Variants in B2M observed in about 807,000 individuals in gnomAD.
B2M encodes the protein beta-2-microglobulin.
B2M carries 3 observed loss-of-function variants against 14.5 expected under a neutral mutation model. The observed-to-expected ratio is 0.21, with a 90% confidence interval of 0.09 to 0.53. The LOEUF (loss-of-function observed/expected upper bound fraction) is 0.53, where lower values mean the gene tolerates loss of function less well. Among genes scored for constraint, B2M ranks in the 20% least tolerant of loss-of-function variants. B2M has a pLI of 0.95. For missense variants in B2M, 107 were observed against 140.8 expected (o/e 0.76, Z 1.21); for synonymous variants, 45 against 52.7 (o/e 0.85, Z 0.64).
chr15:44,713,701 T>C (rs1261843054), intron 1 of B2M: 1 of 152,202 alleles, frequency 6.6e-6, no homozygotes, highest in Non-Finnish European at 1.5e-5. Context: ...GAATCTGTGC[T>C]CTGATCCCTG....
At position 44,715,547 on chromosome 15, in the gene B2M, G is replaced by A. The variant is rs2086931603; in HGVS notation, c.192G>A (p.Glu64=). Residue 64 remains glutamate, a synonymous_variant, in exon 2 of 4, where the codon GAG becomes GAA. Coordinates refer to ENST00000648006, the MANE Select transcript of B2M (RefSeq NM_004048.4). The part of the protein sequence containing the change: ...DIEVDLLKNG[E]RIEKVEHSDL... The stretch of plus-strand genomic sequence containing the variant: ...AAGTTGACTTACTGAAGAATGGAGA[G>A]AGAATTGAAAAAGTGGAGCATTCAG... 1 of 1,614,194 alleles carries A rather than the reference G, an allele frequency of 6.2e-7. No homozygotes were observed. Among genetic ancestry groups the A allele is most frequent in the South Asian group, 1.1e-5 (1 of 91,086 alleles).
intron 1 of B2M, 74 bp downstream of exon 1, chr15:44,711,687 T>A: frequency 6.6e-7 from 1 of 1,519,744 alleles, no homozygotes; most frequent in Non-Finnish European, 9.1e-7. Flanking sequence ...CGCTGTGCTC[T>A]CTCGCTCCGT....
intron 1 of B2M, chr15:44,713,787 T>A (rs1042138373): frequency 4.6e-5 from 7 of 152,134 alleles, no homozygotes; most frequent in Admixed American, 4.6e-4. Flanking sequence ...ATGAAAAAAA[T>A]CAGGTCTTCA....
chr15:44,717,523 C>G (rs1257353388), intron 3 of B2M, 84 bp from the exon 4 acceptor site: 2 of 152,182 alleles, frequency 1.3e-5, no homozygotes, highest in African/African-American at 4.8e-5. Flanking sequence ...GTGATCTACA[C>G]AGTAGAAATT....
At chr15:44,715,379 A>G in intron 1 of B2M, 44 bp from the exon 2 acceptor site, 1 of 1,595,608 alleles carries the variant, frequency 6.3e-7, no homozygotes, top group Non-Finnish European at 8.6e-7. Flanking sequence ...CCCCAAGTGA[A>G]ATACCCTGGC....
At chr15:44,716,457 C>G (rs1463124871) in intron 3 of B2M, 101 bp downstream of exon 3, 2 of 1,247,636 alleles carry the variant, frequency 1.6e-6, no homozygotes, top group African/African-American at 1.5e-5. Context: ...AGAACATTGA[C>G]AGAGTAACAT....
intron 3 of B2M, chr15:44,717,070 G>T: frequency 6.6e-6 from 1 of 152,206 alleles, no homozygotes; most frequent in East Asian, 1.9e-4. Context: ...TCAGGAAGGT[G>T]GATGATCTGC....
At chr15:44,711,679 C>A (rs1270340209) in intron 1 of B2M, 66 bp downstream of exon 1, 12 of 1,538,510 alleles carry the variant, frequency 7.8e-6, no homozygotes, top group Non-Finnish European at 1.8e-6. Flanking sequence ...GTGGCCCTCG[C>A]TGTGCTCTCT....
chr15:44,717,289 T>G (rs1796155657), intron 3 of B2M: 1 of 151,872 alleles, frequency 6.6e-6, no homozygotes, highest in African/African-American at 2.4e-5. Flanking sequence ...TGGGCAGTTG[T>G]AACACAATGG....
intron 1 of B2M, chr15:44,711,964 C>T (rs2086876736): frequency 6.7e-6 from 3 of 449,092 alleles, no homozygotes; most frequent in Non-Finnish European, 1.2e-5. Context: ...CCTCTGGCTC[C>T]CCCAGCGCAG....
At chr15:44,715,862 C>T in intron 2 of B2M, 161 bp downstream of exon 2, 1 of 955,376 alleles carries the variant, frequency 1.0e-6, no homozygotes, top group South Asian at 1.4e-5. Context: ...AGGGAATGTT[C>T]TTAAAGATCA....
chr15:44,714,030 C>T (rs1296987596), intron 1 of B2M: 1 of 152,180 alleles, frequency 6.6e-6, no homozygotes, highest in Non-Finnish European at 1.5e-5. Context: ...GTAGCACTAA[C>T]ACTTCTCTTC....
intron 1 of B2M, chr15:44,714,954 G>T: frequency 4.7e-6 from 1 of 211,832 alleles, no homozygotes; most frequent in Non-Finnish European, 9.7e-6. Context: ...GGAAGGGGTG[G>T]AAACAGAGTA....
intron 1 of B2M, among the ~76,000 whole-genome samples, chr15:44,712,421 T>C (rs1054428863): frequency 6.6e-6 from 1 of 152,318 alleles, no homozygotes; most frequent in Non-Finnish European, 1.5e-5. Context: ...CTCTCACAGA[T>C]GAAGAAACTA....
intron 1 of B2M, chr15:44,711,999 G>C: frequency 2.7e-6 from 1 of 374,884 alleles, no homozygotes; most frequent in South Asian, 2.4e-5. Context: ...GGGTAGGCTC[G>C]TCCCAAAGGC....
chr15:44,712,253 T>A (rs1447165160), intron 1 of B2M, among the ~76,000 whole-genome samples: 5 of 152,220 alleles, frequency 3.3e-5, no homozygotes, highest in African/African-American at 1.2e-4. Context: ...TTCGAATAAT[T>A]AACTTATTTG....
At chr15:44,715,355 T>C (rs2086929027) in intron 1 of B2M, 68 bp from the exon 2 acceptor site, 2 of 1,535,356 alleles carry the variant, frequency 1.3e-6, no homozygotes, top group Non-Finnish European at 1.8e-6. Flanking sequence ...TGATATAGCT[T>C]GACACCAAGT....
intron 1 of B2M, 95 bp downstream of exon 1, chr15:44,711,708 C>T: frequency 2.8e-6 from 4 of 1,430,606 alleles, no homozygotes; most frequent in Non-Finnish European, 2.9e-6. Context: ...GACTTCCCTT[C>T]TCCAAGTTCT....
rs2141288566 is a variant in B2M, at chr15:44,715,473, T to G, written c.118T>G (p.Ser40Ala). 6.2e-7 allele frequency: 1 copy of G among 1,614,144 alleles called. No homozygotes were observed. The highest frequency in any genetic ancestry group is 8.5e-7 in the Non-Finnish European group (1 of 1,180,016). The change falls in exon 2 of 4, where the codon TCA becomes GCA. Residue 40 changes from serine (S) to alanine (A), a missense_variant. Physicochemically the swap from Ser to Ala is moderately conservative, Grantham distance 99. Transcript: ENST00000648006. ...YSRHPAENGK[S>A]NFLNCYVSGF... is the part of the protein sequence containing the mutation. ...ACGTCATCCAGCAGAGAATGGAAAG[T>G]CAAATTTCCTGAATTGCTATGTGTC...
Sources: allele counts gnomAD v4.1 joint callset (sites outside exome capture counted in the v4.1 genomes callset), GRCh38; gene constraint gnomAD v4.1.1; transcripts MANE v1.5; gene names NCBI Gene and HGNC (gene_info 2026-07-23, HGNC 2026-07-21).